HIP1: variants seen among roughly 807,000 people sequenced by gnomAD.
HIP1 encodes the protein huntingtin-interacting protein 1.
Under a neutral mutation model 147.6 loss-of-function variants are expected in HIP1, and 65 were observed. The observed-to-expected ratio is 0.44, with a 90% confidence interval of 0.36 to 0.54. The LOEUF (loss-of-function observed/expected upper bound fraction) is 0.54. HIP1 is among the 20% of genes least tolerant of loss of function. The pLI, the probability that HIP1 is intolerant of heterozygous loss-of-function variation, is 0.00. For missense variants in HIP1, 1,061 were observed against 1,299.6 expected (o/e 0.82, Z 2.82); for synonymous variants, 479 against 504.0 (o/e 0.95, Z 0.67).
In HIP1 at chr7:75,568,146, G is replaced by A; in HGVS notation, c.803+53C>T. 1 of 1,296,654 alleles carries A rather than the reference G, an allele frequency of 7.7e-7. No individual in the cohort carries two copies. The highest frequency in any genetic ancestry group is 1.5e-5 in the African/African-American group (1 of 68,538). 80.3% of individuals were successfully genotyped at this position (1,296,654 alleles called of 1,614,324 possible). ...TCACAGTGCACTTGCATGGCTTAATGATTTTATAGCGCTCTTGAATTCACC... is the reference window on the plus strand; with the variant it reads ...TCACAGTGCACTTGCATGGCTTAATAATTTTATAGCGCTCTTGAATTCACC... On this transcript the variant is annotated intron_variant, in intron 9 of 30. Transcript: ENST00000336926. The surrounding 1 kb of genome is among the most constrained non-coding windows in gnomAD (Gnocchi z 4.1).
chr7:75,717,676 C>CAAA lies in HIP1; in HGVS notation c.120+21122_120+21124dup, dbSNP rs55982331. On this transcript the variant is annotated intron_variant, in intron 1 of 30. Transcript: ENST00000336926. ...GTGAAACCTGTCTCTACTAAAAATA[C>CAAA]AAAAAAAAAAAAGACCAGGCGCGGT... 3.8e-4 allele frequency among the ~76,000 whole-genome samples: 45 copies of CAAA among 117,724 alleles called. 1 individual carries two copies. Among genetic ancestry groups the CAAA allele is most frequent in the African/African-American group, 1.6e-3 (45 of 29,016 alleles). 77.2% of individuals were successfully genotyped at this position (117,724 alleles called of 152,430 possible). A position where few individuals can be genotyped will look rare whatever the true frequency, so the allele number is the denominator to read the frequency against.
intron 22 of HIP1, among the ~76,000 whole-genome samples, chr7:75,550,889 A>G (rs1158667032): frequency 1.3e-5 from 2 of 152,182 alleles, no homozygotes; most frequent in African/African-American, 4.8e-5. Flanking sequence ...TTCTATGTAT[A>G]TACTCTAGAG....
Position 75,562,144 on chromosome 7 carries a change from GTCA to G in HIP1, c.1044_1046del (p.Asp349del). ...CACTGCTGAATGAACTGCCAAAGAT[GTCA>G]TCAAACTTGTTGTCAAATAAATTCT... On this transcript the variant is annotated inframe_deletion, in exon 12 of 31. Transcript: ENST00000336926. The G allele has an allele frequency of 6.2e-7, 1 of 1,613,404 alleles. No individual in the cohort carries two copies. Among genetic ancestry groups the G allele is most frequent in the Non-Finnish European group, 8.5e-7 (1 of 1,179,348 alleles).
intron 1 of HIP1, among the ~76,000 whole-genome samples, chr7:75,678,360 T>TTTTTTTC (rs71098061): frequency 7.8e-6 from 1 of 127,604 alleles, no homozygotes; most frequent in African/African-American, 3.0e-5. Flanking sequence ...TTTTTTTTTT[T>TTTTTTTC]TGAGACAGCA....
At chr7:75,638,905 G>C (rs1554510057) in intron 1 of HIP1, 2 of 215,406 alleles carry the variant, frequency 9.3e-6, no homozygotes, top group Non-Finnish European at 1.6e-5. Context: ...TCCCTCCTCC[G>C]GCACGCCTGG....
chr7:75,552,518 TA>T (rs11401621), intron 22 of HIP1, among the ~76,000 whole-genome samples: 2 of 150,426 alleles, frequency 1.3e-5, no homozygotes, highest in African/African-American at 4.9e-5. Flanking sequence ...CCTGTCTAAT[TA>T]AAAAAAAAAT....
chr7:75,595,251 T>TCTTTCTTTCTTTCTTTCTTTCTTTCTTC (rs1491144475), intron 2 of HIP1, among the ~76,000 whole-genome samples: 1 of 59,504 alleles, frequency 1.7e-5, no homozygotes, highest in Admixed American at 1.8e-4. Context: ...TTTCTTTCTT[T>TCTTTCTTTCTTTCTTTCTTTCTTTCTTC]CTTCCTTCCT....
chr7:75,555,197 G>GA (rs1232000056), intron 19 of HIP1, among the ~76,000 whole-genome samples: 2 of 99,058 alleles, frequency 2.0e-5, no homozygotes, highest in African/African-American at 7.6e-5. Flanking sequence ...CGGGGGGGCG[G>GA]GGGGGGGGAA....
chr7:75,639,181 C>T (rs1242171622), intron 1 of HIP1: 1 of 983,028 alleles, frequency 1.0e-6, no homozygotes, highest in African/African-American at 1.8e-5. Flanking sequence ...GCCGGCAGGG[C>T]CCCCGCGGAC....
intron 19 of HIP1, 68 bp from the exon 20 acceptor site, chr7:75,554,594 G>GCTCCTC: frequency 8.7e-7 from 1 of 1,154,258 alleles, no homozygotes; most frequent in Non-Finnish European, 1.3e-6. Flanking sequence ...CGTTAATTAA[G>GCTCCTC]CACTGAATGG....
chr7:75,703,928 C>A (rs1233558057), intron 1 of HIP1, among the ~76,000 whole-genome samples: 1 of 152,122 alleles, frequency 6.6e-6, no homozygotes, highest in Admixed American at 6.6e-5. Context: ...AGCTGCCGAC[C>A]CGAAGCCTTT....
In HIP1 at chr7:75,535,231, A is replaced by G. The variant is rs1794039229; in HGVS notation, c.*2941T>C. ...ATTTCTGTGGCTTCTTTTTAGAGAC[A>G]GGATCATTCAGATAATTTTTTGTTT... is the stretch of plus-strand genomic sequence containing the variant. On this transcript the variant is annotated 3_prime_UTR_variant, in exon 31 of 31. Coordinates refer to ENST00000336926, the MANE Select transcript of HIP1 (RefSeq NM_005338.7). 1 of 210,436 alleles carries G rather than the reference A, an allele frequency of 4.8e-6. No homozygotes were observed. Among genetic ancestry groups the G allele is most frequent in the South Asian group, 1.9e-4 (1 of 5,336 alleles). 13.0% of individuals were successfully genotyped at this position (210,436 alleles called of 1,614,324 possible).
At chr7:75,552,180 C>T (rs782119118) in intron 22 of HIP1, among the ~76,000 whole-genome samples, 12 of 152,128 alleles carry the variant, frequency 7.9e-5, no homozygotes, top group Non-Finnish European at 1.2e-4. Flanking sequence ...CGTGAGCCAC[C>T]GTGCCTGGCC....
At chr7:75,702,254 A>T (rs992737517) in intron 1 of HIP1, among the ~76,000 whole-genome samples, 6 of 151,932 alleles carry the variant, frequency 3.9e-5, no homozygotes, top group African/African-American at 1.4e-4. Flanking sequence ...GGGATTACAG[A>T]CACGCACCAC....
At chr7:75,733,004 G>A (rs1395542764) in intron 1 of HIP1, among the ~76,000 whole-genome samples, 16 of 152,130 alleles carry the variant, frequency 1.1e-4, no homozygotes, top group African/African-American at 3.6e-4. Context: ...TCATCTCTGT[G>A]TCTCCTCCAC....
intron 30 of HIP1, among the ~76,000 whole-genome samples, 158 bp from the exon 31 acceptor site, chr7:75,538,382 ATCTG>A (rs1473175579): frequency 6.6e-6 from 1 of 152,080 alleles, no homozygotes; most frequent in East Asian, 1.9e-4. Context: ...AATGACTAGG[ATCTG>A]TCTATGGTTG....
intron 1 of HIP1, among the ~76,000 whole-genome samples, chr7:75,732,221 T>C (rs1179159452): frequency 6.6e-6 from 1 of 152,182 alleles, no homozygotes. Context: ...TCACCCAGCA[T>C]GTTCCTGGTA....
At chr7:75,628,504 A>G (rs1798115235) in intron 1 of HIP1, among the ~76,000 whole-genome samples, 1 of 136,258 alleles carries the variant, frequency 7.3e-6, no homozygotes, top group Non-Finnish European at 1.5e-5. Context: ...TTTGAGACAG[A>G]GTCTTGCTCT....
In HIP1 at chr7:75,537,517, TAA is replaced by T. The variant is rs368263003; in HGVS notation, c.*653_*654del. On this transcript the variant is annotated 3_prime_UTR_variant, in exon 31 of 31. Coordinates refer to ENST00000336926, the MANE Select transcript of HIP1 (RefSeq NM_005338.7). ...GAGAGTTGGCTATGTGAGTGAAACT[TAA>T]AAAAAAAAACAAAACCAAAAAACCC... is the stretch of plus-strand genomic sequence containing the variant. The T allele has an allele frequency of 1.0e-5, 2 of 200,020 alleles. No individual in the cohort carries two copies. Among genetic ancestry groups the T allele is most frequent in the African/African-American group, 2.4e-5 (1 of 41,032 alleles). 12.4% of individuals were successfully genotyped at this position (200,020 alleles called of 1,614,324 possible). A position where few individuals can be genotyped will look rare whatever the true frequency, so the allele number is the denominator to read the frequency against.
Sources: allele counts gnomAD v4.1 joint callset (sites outside exome capture counted in the v4.1 genomes callset), GRCh38; gene constraint gnomAD v4.1.1; non-coding constraint Gnocchi (gnomAD v3.1); transcripts MANE v1.5; gene names NCBI Gene and HGNC (gene_info 2026-07-23, HGNC 2026-07-21).